Variants in AFM observed in about 807,000 individuals in gnomAD.
The protein encoded by AFM is afamin.
A neutral mutation model predicts 68.7 loss-of-function variants in AFM; 82 were observed. The ratio of observed to expected loss-of-function variants is 1.19; its 90% CI spans 1.00 to 1.43. AFM has a LOEUF of 1.43. Ranked by LOEUF, AFM falls within the 40% of genes most tolerant of loss-of-function variation. The probability of loss-of-function intolerance (pLI) is 0.00; values close to 1 mark genes in which losing one functional copy is unlikely to be tolerated. For synonymous variants in AFM, 250 were observed against 234.2 expected (o/e 1.07, Z -0.61); for missense variants, 772 against 701.8 (o/e 1.10, Z -1.13).
In AFM at chr4:73,484,508, T is replaced by TTCTTTCA. The variant is rs1553894029; in HGVS notation, c.270+124_270+125insATCTTTC. 43 of 718,196 alleles carry TTCTTTCA rather than the reference T, an allele frequency of 6.0e-5. No homozygotes were observed. The African/African-American group carries it at 1.2e-3, about 20-fold the overall frequency. 44.5% of individuals were successfully genotyped at this position (718,196 alleles called of 1,614,324 possible). On this transcript the variant is annotated intron_variant, in intron 3 of 14. Coordinates refer to ENST00000226355, the MANE Select transcript of AFM (RefSeq NM_001133.2). ...TTTCTTTCTTTCTTTCTTTCTTTCA[T>TTCTTTCA]TCTTTCTTTCTTCTTTCTTTCTTTC...
At position 73,484,277 on chromosome 4, in the gene AFM, C is replaced by T. The variant is rs1373045219; in HGVS notation, c.157C>T (p.Gln53Ter). The change falls in exon 3 of 15, where the codon CAG (glutamine) becomes TAG (stop). Residue 53 changes from glutamine to a stop codon, truncating the protein, a stop_gained. Coordinates refer to ENST00000226355, the MANE Select transcript of AFM (RefSeq NM_001133.2). LOFTEE classifies it high-confidence loss of function. Reference sequence around the variant, plus strand: ...TTGCAGCACCATCATTGCATTTGCTCAGTATGTTCAGGAAGCAACCTTTGA... The same window carrying T: ...TTGCAGCACCATCATTGCATTTGCTTAGTATGTTCAGGAAGCAACCTTTGA... ...IEYITIIAFAQYVQEATFEEM... is the reference protein window; with the variant it reads ...IEYITIIAFA 2 of 1,611,516 alleles carry T rather than the reference C, an allele frequency of 1.2e-6. No individual in the cohort carries two copies. Among genetic ancestry groups the T allele is most frequent in the Admixed American group, 1.7e-5 (1 of 59,358 alleles).
intron 7 of AFM, 104 bp downstream of exon 7, chr4:73,488,863 A>G: frequency 9.1e-7 from 1 of 1,098,972 alleles, no homozygotes; most frequent in Non-Finnish European, 1.3e-6. Context: ...CAATGAAATC[A>G]GAATGTGATT....
intron 8 of AFM, 37 bp downstream of exon 8, chr4:73,492,123 G>C (rs1171184815): frequency 6.4e-7 from 1 of 1,553,078 alleles, no homozygotes; most frequent in African/African-American, 1.4e-5. Context: ...AAGGGAAACA[G>C]AAAGAAACTT....
At chr4:73,500,939 A>G (rs1336106210) in intron 12 of AFM, among the ~76,000 whole-genome samples, 1 of 152,060 alleles carries the variant, frequency 6.6e-6, no homozygotes. Context: ...TCCTGTTTTC[A>G]TTTTAAAAAT....
At chr4:73,498,346 T>C in intron 10 of AFM, among the ~76,000 whole-genome samples, 1 of 152,130 alleles carries the variant, frequency 6.6e-6, no homozygotes, top group Non-Finnish European at 1.5e-5. Flanking sequence ...AGTGCAGTGG[T>C]GTGATCTCAG....
chr4:73,483,966 T>A lies in AFM; in HGVS notation c.114T>A (p.Phe38Leu), dbSNP rs1475671141. ...DIENFNSTQK[F>L]IEDNIEYITI... ...AGAACTTCAATAGTACTCAAAAATT[T>A]ATAGAAGATAATATTGAATACATGT... Residue 38 changes from phenylalanine (F) to leucine (L), a missense_variant, in exon 2 of 15, where the codon TTT becomes TTA. Coordinates refer to ENST00000226355, the MANE Select transcript of AFM (RefSeq NM_001133.2). The A allele has an allele frequency of 2.6e-6, 4 of 1,530,022 alleles. No homozygotes were observed. Among genetic ancestry groups the A allele is most frequent in the Non-Finnish European group, 3.6e-6 (4 of 1,117,670 alleles). The allele number at this position is 1,530,022 out of a possible 1,614,324, so 94.8% of individuals were successfully genotyped here. A position where few individuals can be genotyped will look rare whatever the true frequency, so the allele number is the denominator to read the frequency against.
intron 14 of AFM, among the ~76,000 whole-genome samples, chr4:73,503,521 A>T (rs934468657): frequency 6.6e-6 from 1 of 152,148 alleles, no homozygotes; most frequent in Non-Finnish European, 1.5e-5. Flanking sequence ...ATCTTTTAAG[A>T]ATATTGCTTT....
chr4:73,493,391 T>G (rs1266587106), intron 8 of AFM, among the ~76,000 whole-genome samples: 1 of 152,202 alleles, frequency 6.6e-6, no homozygotes, highest in African/African-American at 2.4e-5. Context: ...GTGAGAAAGA[T>G]AATATGTTTA....
rs1209560259 is a variant in AFM, at chr4:73,483,885, T to C, written c.89-56T>C. 2.2e-6 allele frequency: 3 copies of C among 1,394,612 alleles called. No individual in the cohort carries two copies. The East Asian group carries it at 7.2e-5, about 33-fold the overall frequency. The allele number at this position is 1,394,612 out of a possible 1,614,324, so 86.4% of individuals were successfully genotyped here. On this transcript the variant is annotated intron_variant, in intron 1 of 14. Transcript: ENST00000226355. The stretch of plus-strand genomic sequence containing the variant: ...TTAAATGCCATGTATAGTTATTTAT[T>C]TGAAAAATGTTAGAAAACCATGCTA...
At chr4:73,487,585 G>A (rs1187004278) in intron 5 of AFM, 139 bp from the exon 6 acceptor site, 3 of 621,432 alleles carry the variant, frequency 4.8e-6, no homozygotes, top group Admixed American at 2.9e-5. Flanking sequence ...TTTAATATGT[G>A]TGTTTACTGA....
At chr4:73,496,397 C>T (rs1249500401) in intron 9 of AFM, among the ~76,000 whole-genome samples, 1 of 152,120 alleles carries the variant, frequency 6.6e-6, no homozygotes, top group African/African-American at 2.4e-5. Context: ...AGATGAACGT[C>T]TCCTTCCATT....
At position 73,495,326 on chromosome 4, in the gene AFM, A is replaced by G. The variant is rs1721224036; in HGVS notation, c.1085A>G (p.His362Arg). 1 of 1,605,854 alleles carries G rather than the reference A, an allele frequency of 6.2e-7. No individual in the cohort carries two copies. The change falls in exon 9 of 15, where the codon CAT becomes CGT. Residue 362 changes from histidine (H) to arginine (R), a missense_variant. By Grantham distance (29) the His-to-Arg change is conservative. Coordinates refer to ENST00000226355, the MANE Select transcript of AFM (RefSeq NM_001133.2). ...TTTACTTTTGAATACTCAAGGAGAC[A>G]TCCAGACCTGTCTATACCAGAGCTT... ...AKFTFEYSRR[H>R]PDLSIPELLR...
At chr4:73,500,668 T>G (rs1229575327) in intron 12 of AFM, among the ~76,000 whole-genome samples, 1 of 152,238 alleles carries the variant, frequency 6.6e-6, no homozygotes, top group Non-Finnish European at 1.5e-5. Context: ...AGACAGAGTC[T>G]GCCTAATGTG....
Position 73,491,886 on chromosome 4 carries a change from C to A in AFM, c.858C>A (p.Asn286Lys), listed in dbSNP as rs761850161. 14 of 1,613,032 alleles carry A rather than the reference C, an allele frequency of 8.7e-6. No homozygotes were observed. The highest frequency in any genetic ancestry group is 1.2e-5 in the Non-Finnish European group (14 of 1,179,532). The change falls in exon 8 of 15, where the codon AAC becomes AAA. Residue 286 changes from asparagine (N) to lysine (K), a missense_variant. Coordinates refer to ENST00000226355, the MANE Select transcript of AFM (RefSeq NM_001133.2). ...QCIRDTSKVM[N>K]HICSKQDSIS... ...ATTTGGTACAGAGCAAGGTTATGAACCATATTTGTTCAAAACAAGATTCTA... is the reference window on the plus strand; with the variant it reads ...ATTTGGTACAGAGCAAGGTTATGAAACATATTTGTTCAAAACAAGATTCTA...
At chr4:73,484,450 CTTTCTT>C (rs1720813259) in intron 3 of AFM, 60 bp downstream of exon 3, 3 of 327,186 alleles carry the variant, frequency 9.2e-6, no homozygotes, top group Admixed American at 1.2e-4. Flanking sequence ...CTCTTTCTTT[CTTTCTT>C]TCTTTCTTTC....
intron 5 of AFM, 141 bp downstream of exon 5, chr4:73,487,240 G>C: frequency 1.1e-6 from 1 of 880,100 alleles, no homozygotes; most frequent in Non-Finnish European, 1.7e-6. Context: ...CAAACCATTG[G>C]TCACCAGGTG....
chr4:73,501,764 T>C (rs371558006), intron 12 of AFM, 23 bp from the exon 13 acceptor site: 116 of 1,603,700 alleles, frequency 7.2e-5, no homozygotes, highest in Non-Finnish European at 9.6e-5. Context: ...TAATTAATTT[T>C]ATTTGACATC....
intron 5 of AFM, among the ~76,000 whole-genome samples, chr4:73,487,436 G>A (rs1720931038): frequency 6.6e-6 from 1 of 152,132 alleles, no homozygotes; most frequent in South Asian, 2.1e-4. Context: ...AAACAACATG[G>A]TATAATCTCA....
At position 73,503,049 on chromosome 4, in the gene AFM, GA is replaced by G; in HGVS notation, c.1780del (p.Ser594ValfsTer34). 2 of 1,612,982 alleles carry G rather than the reference GA, an allele frequency of 1.2e-6. No individual in the cohort carries two copies. Among genetic ancestry groups the G allele is most frequent in the Non-Finnish European group, 1.7e-6 (2 of 1,179,278 alleles). ...ESPEVCFNEE[S>X]PKIGN The stretch of plus-strand genomic sequence containing the variant: ...GTTTTTATTTCCATCCCTCACCTCA[GA>G]GTCCAAAAATTGGCAACTGAAGCCA... On this transcript the variant is annotated frameshift_variant and splice_region_variant, in exon 14 of 15. Coordinates refer to ENST00000226355, the MANE Select transcript of AFM (RefSeq NM_001133.2). LOFTEE classifies it high-confidence loss of function.
Sources: gnomAD v4.1 joint callset for allele counts (sites outside exome capture counted in the v4.1 genomes callset) on GRCh38, gnomAD v4.1.1 for gene constraint, MANE v1.5 for transcripts, NCBI Gene and HGNC (gene_info 2026-07-23, HGNC 2026-07-21) for gene names.